Variants in SYNE1 observed in about 807,000 individuals in gnomAD.
SYNE1 encodes the protein spectrin repeat containing nuclear envelope protein 1.
In SYNE1, 616 loss-of-function variants were observed where a neutral mutation model predicts 1,111.0. That is an observed-to-expected ratio of 0.55 (90% CI 0.52 to 0.59). The LOEUF is 0.59. Among genes scored for constraint, SYNE1 ranks in the 20% least tolerant of loss-of-function variants. The pLI, the probability that SYNE1 is intolerant of heterozygous loss-of-function variation, is 0.00. For synonymous variants in SYNE1, 3,855 were observed against 3,825.8 expected, an observed-to-expected ratio of 1.01 and a Z score of -0.28; for missense variants, 10,006 against 10,417.0, an observed-to-expected ratio of 0.96 and a Z score of 1.72.
chr6:152,270,751 G>A (rs1219719903), intron 98 of SYNE1, among the ~76,000 whole-genome samples: 1 of 152,188 alleles, frequency 6.6e-6, no homozygotes, highest in Non-Finnish European at 1.5e-5. Context: ...ACAGATAACT[G>A]AGCTGAAGAT....
At chr6:152,209,133 C>T (rs2077064934) in intron 124 of SYNE1, among the ~76,000 whole-genome samples, 1 of 152,164 alleles carries the variant, frequency 6.6e-6, no homozygotes, top group East Asian at 1.9e-4. Context: ...CACTTTAATA[C>T]TAAACACTTG....
At chr6:152,353,193 T>A in intron 69 of SYNE1, 70 bp downstream of exon 69, 1 of 1,561,940 alleles carries the variant, frequency 6.4e-7, no homozygotes, top group Non-Finnish European at 8.8e-7. Context: ...GTTTCCAGTA[T>A]CTATGCAGGA....
intron 117 of SYNE1, among the ~76,000 whole-genome samples, chr6:152,222,952 A>T (rs1419681371): frequency 6.6e-6 from 1 of 152,212 alleles, no homozygotes; most frequent in African/African-American, 2.4e-5. Flanking sequence ...CCAGTAAGGG[A>T]ACTGAAAGAA....
chr6:152,282,453 C>A (rs949073099), intron 96 of SYNE1, among the ~76,000 whole-genome samples: 1 of 152,018 alleles, frequency 6.6e-6, no homozygotes, highest in African/African-American at 2.4e-5. Flanking sequence ...CTGTGGGAAG[C>A]GGTGGCCCAG....
At chr6:152,620,988 G>C (rs2099674135) in intron 3 of SYNE1, among the ~76,000 whole-genome samples, 1 of 152,154 alleles carries the variant, frequency 6.6e-6, no homozygotes, top group Non-Finnish European at 1.5e-5. Flanking sequence ...GAGCTAGAGG[G>C]GTTTAGAGGA....
chr6:152,196,418 T>A (rs888750236), intron 127 of SYNE1, among the ~76,000 whole-genome samples: 1 of 152,102 alleles, frequency 6.6e-6, no homozygotes, highest in African/African-American at 2.4e-5. Flanking sequence ...TCTCCGAATC[T>A]GACCCAAGGC....
chr6:152,363,796 C>T (rs1272253665), intron 63 of SYNE1: 1 of 455,520 alleles, frequency 2.2e-6, no homozygotes, highest in African/African-American at 2.0e-5. Flanking sequence ...CCCTCAACTG[C>T]TCTTCTAATT....
intron 3 of SYNE1, among the ~76,000 whole-genome samples, chr6:152,543,009 G>A (rs766890058): frequency 2.0e-5 from 3 of 151,866 alleles, no homozygotes; most frequent in African/African-American, 7.3e-5. Context: ...ATATGTTAAT[G>A]TTATACTGTC....
chr6:152,437,603 A>G (rs1269723427), intron 32 of SYNE1, among the ~76,000 whole-genome samples: 1 of 152,184 alleles, frequency 6.6e-6, no homozygotes, highest in Non-Finnish European at 1.5e-5. Context: ...TTTAGTATGT[A>G]TGTGGCTGGT....
chr6:152,221,152 A>C (rs2153464271), intron 118 of SYNE1, 106 bp from the exon 119 acceptor site: 1 of 1,248,644 alleles, frequency 8.0e-7, no homozygotes, highest in Non-Finnish European at 1.1e-6. Context: ...TATAGACATA[A>C]TCATTTCTAG....
At chr6:152,206,557 G>A (rs1407160235) in intron 125 of SYNE1, among the ~76,000 whole-genome samples, 195 bp from the exon 126 acceptor site, 1 of 152,174 alleles carries the variant, frequency 6.6e-6, no homozygotes, top group African/African-American at 2.4e-5. Flanking sequence ...CTGTCTCCAA[G>A]GTAAGTACGA....
At chr6:152,435,621 A>G in intron 33 of SYNE1, 1 of 369,554 alleles carries the variant, frequency 2.7e-6, no homozygotes, top group African/African-American at 2.1e-5. Flanking sequence ...TAGTAAAAAA[A>G]TTATTTTAAA....
At chr6:152,156,130 A>G in intron 131 of SYNE1, 33 bp from the exon 132 acceptor site, 1 of 1,612,482 alleles carries the variant, frequency 6.2e-7, no homozygotes, top group Non-Finnish European at 8.5e-7. Flanking sequence ...TTATTCAACA[A>G]TTACATGTAT....
chr6:152,484,047 A>AAAAAAAAAAAAAAG (rs2098925859), intron 13 of SYNE1, among the ~76,000 whole-genome samples: 1 of 149,316 alleles, frequency 6.7e-6, no homozygotes, highest in Non-Finnish European at 1.5e-5. Context: ...ACAAAAAAAA[A>AAAAAAAAAAAAAAG]AAAAAAAAAA....
At chr6:152,505,669 A>T (rs1006443023) in intron 8 of SYNE1, among the ~76,000 whole-genome samples, 4 of 152,218 alleles carry the variant, frequency 2.6e-5, no homozygotes, top group African/African-American at 9.6e-5. Flanking sequence ...TTTATTTTAT[A>T]CTCAATCCCC....
At chr6:152,496,859 T>C (rs1311431304) in intron 11 of SYNE1, among the ~76,000 whole-genome samples, 1 of 152,184 alleles carries the variant, frequency 6.6e-6, no homozygotes, top group Non-Finnish European at 1.5e-5. Flanking sequence ...ACCGATGACA[T>C]TCCACCATTG....
chr6:152,412,622 G>T (rs1439606987), intron 42 of SYNE1, among the ~76,000 whole-genome samples: 1 of 152,092 alleles, frequency 6.6e-6, no homozygotes, highest in African/African-American at 2.4e-5. Context: ...CATTTTTTAG[G>T]TGGTAGAACT....
intron 3 of SYNE1, among the ~76,000 whole-genome samples, chr6:152,561,809 G>GA (rs2099396192): frequency 6.6e-6 from 1 of 152,212 alleles, no homozygotes; most frequent in Admixed American, 6.5e-5. Context: ...ACACAATGGA[G>GA]AAAGACTGTC....
chr6:152,190,211 C>T (rs992711557), intron 127 of SYNE1, among the ~76,000 whole-genome samples: 1 of 152,100 alleles, frequency 6.6e-6, no homozygotes, highest in Non-Finnish European at 1.5e-5. Context: ...AGAAGCAACT[C>T]CTTATCCATT....
Sources: allele counts gnomAD v4.1 joint callset (sites outside exome capture counted in the v4.1 genomes callset), GRCh38; gene constraint gnomAD v4.1.1; transcripts MANE v1.5; gene names NCBI Gene and HGNC (gene_info 2026-07-23, HGNC 2026-07-21).